DDX55: variants seen among roughly 807,000 people sequenced by gnomAD.
DDX55 encodes the protein DEAD-box helicase 55, also known as ATP-dependent RNA helicase DDX55.
In DDX55, 56 loss-of-function variants were observed where a neutral mutation model predicts 69.2. The ratio of observed to expected loss-of-function variants is 0.81; its 90% CI spans 0.65 to 1.01. The LOEUF (loss-of-function observed/expected upper bound fraction) is 1.01. Ranked by LOEUF, DDX55 falls within the 50% of genes least tolerant of loss-of-function variation. The pLI is 0.00. For missense variants in DDX55, 720 were observed against 745.1 expected (o/e 0.97, Z 0.39); for synonymous variants, 268 against 273.1 (o/e 0.98, Z 0.18).
chr12:123,609,060 C>G (rs1158434746), intron 6 of DDX55, among the ~76,000 whole-genome samples: 2 of 152,022 alleles, frequency 1.3e-5, no homozygotes, highest in South Asian at 4.2e-4. Flanking sequence ...CTCAGATGAT[C>G]CTCCTGCATC....
intron 6 of DDX55, among the ~76,000 whole-genome samples, chr12:123,609,683 T>C (rs1223502677): frequency 6.6e-6 from 1 of 152,134 alleles, no homozygotes; most frequent in African/African-American, 2.4e-5. Flanking sequence ...GTTTTGTTGT[T>C]TTTTAATAAA....
intron 8 of DDX55, 68 bp downstream of exon 8, chr12:123,613,320 T>C (rs1342454496): frequency 2.7e-6 from 4 of 1,498,678 alleles, no homozygotes; most frequent in South Asian, 1.2e-5. Context: ...CATGCGGCCT[T>C]TGGGTTTTGG....
chr12:123,605,510 C>T (rs898527522), intron 1 of DDX55: 2 of 319,748 alleles, frequency 6.3e-6, no homozygotes, highest in Non-Finnish European at 1.2e-5. Flanking sequence ...AGGCCAAGGC[C>T]TGAATCTAAT....
chr12:123,619,704 GAGAAAA>G lies in DDX55; in HGVS notation c.1607_1612del (p.Glu536_Arg538delinsGly), dbSNP rs1301692182. 1 of 1,574,386 alleles carries G rather than the reference GAGAAAA, an allele frequency of 6.4e-7. No homozygotes were observed. The highest frequency in any genetic ancestry group is 8.5e-7 in the Non-Finnish European group (1 of 1,170,228). On this transcript the variant is annotated inframe_deletion, in exon 13 of 14. Transcript: ENST00000238146. Reference sequence around the variant, plus strand: ...AAAAGAAAAGAAGAAAAAAATGAATGAGAAAAGGAAAAGGGAAGAGGTAAAGTTTAC... The same window carrying G: ...AAAAGAAAAGAAGAAAAAAATGAATGGGAAAAGGGAAGAGGTAAAGTTTAC...
intron 3 of DDX55, among the ~76,000 whole-genome samples, 185 bp downstream of exon 3, chr12:123,606,344 C>T (rs1953890159): frequency 6.6e-6 from 1 of 151,948 alleles, no homozygotes; most frequent in Non-Finnish European, 1.5e-5. Context: ...GCCTGGGCAA[C>T]ACAGTGAGAC....
chr12:123,620,235 G>C lies in DDX55; in HGVS notation c.*95G>C. On this transcript the variant is annotated 3_prime_UTR_variant, in exon 14 of 14. Transcript: ENST00000238146. ...TTTAACGAAAATCACAACTTCAGGA[G>C]ACATCTGAAAAGAATGATGTCTCTG... 2.4e-6 allele frequency: 3 copies of C among 1,261,074 alleles called. No individual in the cohort carries two copies. The highest frequency in any genetic ancestry group is 3.3e-6 in the Non-Finnish European group (3 of 909,304). The allele number at this position is 1,261,074 out of a possible 1,614,324, so 78.1% of individuals were successfully genotyped here. A position where few individuals can be genotyped will look rare whatever the true frequency, so the allele number is the denominator to read the frequency against.
intron 7 of DDX55, 141 bp downstream of exon 7, chr12:123,610,269 C>T: frequency 2.0e-6 from 2 of 1,025,280 alleles, no homozygotes; most frequent in Non-Finnish European, 2.8e-6. Context: ...GGCAAATGGC[C>T]TGAGTGGTCC....
In DDX55 at chr12:123,607,597, T is replaced by C; in HGVS notation, c.339-3T>C. ...TTAATCAAAGGCTGTTTTCTTGTTG[T>C]AGCCAGATTCTTTGGATCGGAGGCA... is the stretch of plus-strand genomic sequence containing the variant. On this transcript the variant is annotated splice_region_variant and splice_polypyrimidine_tract_variant and intron_variant, in intron 4 of 13. Coordinates refer to ENST00000238146, the MANE Select transcript of DDX55 (RefSeq NM_020936.3). 1.2e-6 allele frequency: 2 copies of C among 1,614,204 alleles called. No individual in the cohort carries two copies. The highest frequency in any genetic ancestry group is 2.2e-5 in the South Asian group (2 of 91,088).
chr12:123,617,886 CGTTTTCAGATAGAATGCCTA>C lies in DDX55; in HGVS notation c.1164+17_1164+36del, dbSNP rs11273047. 442,128 of 1,609,224 alleles carry C rather than the reference CGTTTTCAGATAGAATGCCTA, an allele frequency of 0.27. 64,440 individuals carry two copies. The highest frequency in any genetic ancestry group is 0.42 in the African/African-American group (31,361 of 74,790). On this transcript the variant is annotated intron_variant, in intron 11 of 13. Coordinates refer to ENST00000238146, the MANE Select transcript of DDX55 (RefSeq NM_020936.3). ...ATTAACCAAAAAGTAAGCTGCCGTC[CGTTTTCAGATAGAATGCCTA>C]GTGACGGGGTAGCTGGAAAAGTTCT...
At position 123,618,782 on chromosome 12, in the gene DDX55, G is replaced by A. The variant is rs141065246; in HGVS notation, c.1278G>A (p.Val426=). ...TTGAAAAGGGCATGAAAGCTTTTGTGTCATATGTCCAAGCTTATGCAAAGC... is the reference window on the plus strand; with the variant it reads ...TTGAAAAGGGCATGAAAGCTTTTGTATCATATGTCCAAGCTTATGCAAAGC... ...AVFEKGMKAF[V]SYVQAYAKHE... is the part of the protein sequence containing the mutation. The change falls in exon 12 of 14, where the codon GTG becomes GTA. Residue 426 remains valine, a synonymous_variant. Coordinates refer to ENST00000238146, the MANE Select transcript of DDX55 (RefSeq NM_020936.3). 5 of 1,614,084 alleles carry A rather than the reference G, an allele frequency of 3.1e-6. No homozygotes were observed. Among genetic ancestry groups the A allele is most frequent in the Non-Finnish European group, 4.2e-6 (5 of 1,180,042 alleles).
chr12:123,617,988 G>C, intron 11 of DDX55, 116 bp downstream of exon 11: 1 of 962,596 alleles, frequency 1.0e-6, no homozygotes, highest in Non-Finnish European at 1.6e-6. Flanking sequence ...GGCTGGGCTG[G>C]TGGTGGCAGT....
At chr12:123,608,953 TTTTA>T (rs1593688827) in intron 6 of DDX55, 124 bp downstream of exon 6, 1 of 978,904 alleles carries the variant, frequency 1.0e-6, no homozygotes, top group East Asian at 3.0e-5. Context: ...TTTATTTATT[TTTTA>T]TTTATTTGTT....
chr12:123,609,879 G>A (rs969678516), intron 6 of DDX55, 60 bp from the exon 7 acceptor site: 1 of 1,558,646 alleles, frequency 6.4e-7, no homozygotes, highest in Non-Finnish European at 8.7e-7. Context: ...GTATCGTGAA[G>A]CACTGTGTGT....
chr12:123,609,454 G>A (rs867965982), intron 6 of DDX55, among the ~76,000 whole-genome samples: 6 of 147,830 alleles, frequency 4.1e-5, no homozygotes, highest in East Asian at 2.0e-4. Flanking sequence ...GGGTCATTGC[G>A]ACCTTTACTT....
In DDX55 at chr12:123,607,674, C is replaced by A; in HGVS notation, c.401+12C>A. On this transcript the variant is annotated intron_variant, in intron 5 of 13. Transcript: ENST00000238146. ...TTTAAGCAACAAGGGTGAGTTTGCT[C>A]GTGTCTGCTTGTTTCTTTGCTTGCT... 6.2e-7 allele frequency: 1 copy of A among 1,613,972 alleles called. No individual in the cohort carries two copies. The highest frequency in any genetic ancestry group is 8.5e-7 in the Non-Finnish European group (1 of 1,180,002).
chr12:123,615,048 C>T, intron 8 of DDX55, 137 bp from the exon 9 acceptor site: 1 of 1,161,882 alleles, frequency 8.6e-7, no homozygotes, highest in East Asian at 2.4e-5. Context: ...ATTTCCACTG[C>T]CATTTTCCTT....
At position 123,619,933 on chromosome 12, in the gene DDX55, T is replaced by C. The variant is rs771102563; in HGVS notation, c.1627-31T>C. 37 of 1,590,312 alleles carry C rather than the reference T, an allele frequency of 2.3e-5. No individual in the cohort carries two copies. In the Admixed American group the frequency reaches 2.4e-4, roughly 10 times the overall value. On this transcript the variant is annotated intron_variant, in intron 13 of 13. Coordinates refer to ENST00000238146, the MANE Select transcript of DDX55 (RefSeq NM_020936.3). ...CACTACAACACTATTGCTGAAAAAT[T>C]TAGTAGTTTATTGGTTTCTTCTGCA...
chr12:123,619,745 C>A, intron 13 of DDX55, 21 bp downstream of exon 13: 1 of 1,555,016 alleles, frequency 6.4e-7, no homozygotes, highest in South Asian at 1.2e-5. Flanking sequence ...CTTTTACTTA[C>A]ATTAACTTAG....
At position 123,620,288 on chromosome 12, in the gene DDX55, A is replaced by G. The variant is rs1955041346; in HGVS notation, c.*148A>G. 2 of 770,762 alleles carry G rather than the reference A, an allele frequency of 2.6e-6. No homozygotes were observed. The highest frequency in any genetic ancestry group is 2.5e-5 in the South Asian group (1 of 39,720). The allele number at this position is 770,762 out of a possible 1,614,324, so 47.7% of individuals were successfully genotyped here. The stretch of plus-strand genomic sequence containing the variant: ...AGCTGTCCTTTCAGATGAGGGAGAA[A>G]TGAAGGATTTCACACTTCAGAATAT... On this transcript the variant is annotated 3_prime_UTR_variant, in exon 14 of 14. Transcript: ENST00000238146.
Sources: gnomAD v4.1 joint callset for allele counts (sites outside exome capture counted in the v4.1 genomes callset) on GRCh38, gnomAD v4.1.1 for gene constraint, MANE v1.5 for transcripts, NCBI Gene and HGNC (gene_info 2026-07-23, HGNC 2026-07-21) for gene names.